The following PCDH11Y variants were observed in gnomAD, a reference collection of about 807,000 sequenced individuals.
PCDH11Y encodes the protein protocadherin-11 Y-linked.
For missense variants in PCDH11Y, 12 were observed against 224.8 expected, an observed-to-expected ratio of 0.05 and a Z score of 6.05; for synonymous variants, 9 against 83.6, an observed-to-expected ratio of 0.11 and a Z score of 4.87.
intron 1 of PCDH11Y, among the ~76,000 whole-genome samples, chrY:5,096,671 T>C (rs2052751002): frequency 3.9e-5 from 1 of 25,888 alleles, no homozygotes; most frequent in Non-Finnish European, 8.9e-5. Context: ...ATCATCTTAT[T>C]GTAGTACAGG....
intron 1 of PCDH11Y, among the ~76,000 whole-genome samples, chrY:5,024,180 A>T: frequency 3.0e-5 from 1 of 33,411 alleles, no homozygotes; most frequent in Non-Finnish European, 7.4e-5. Flanking sequence ...GTTAAATATC[A>T]GCAATTTTAT....
chrY:5,575,695 C>T (rs1229566434), intron 3 of PCDH11Y, among the ~76,000 whole-genome samples: 2 of 33,611 alleles, frequency 6.0e-5, no homozygotes, highest in Non-Finnish European at 1.5e-4. Context: ...GTCAAAGCTT[C>T]GAAATTGGGT....
intron 3 of PCDH11Y, among the ~76,000 whole-genome samples, chrY:5,515,709 G>T: frequency 6.0e-5 from 2 of 33,177 alleles, no homozygotes; most frequent in African/African-American, 2.4e-4. Flanking sequence ...ACATGGTACT[G>T]GTATAAAAAC....
intron 2 of PCDH11Y, among the ~76,000 whole-genome samples, chrY:5,154,106 G>A (rs2052866856): frequency 1.9e-3 from 55 of 29,204 alleles, no homozygotes; most frequent in Admixed American, 6.9e-3. Flanking sequence ...AAACTTTGAG[G>A]TACAACTTGT....
At position 5,507,324 on chromosome Y, in the gene PCDH11Y, C is replaced by T. The variant is rs374500849; in HGVS notation, c.3328+6069C>T. Among the ~76,000 whole-genome samples, 10 of 32,379 alleles carry T rather than the reference C, an allele frequency of 3.1e-4. No homozygotes were observed. In the South Asian group the frequency reaches 6.8e-3, roughly 22 times the overall value. 86.9% of individuals were successfully genotyped at this position (32,379 alleles called of 37,273 possible). A position where few individuals can be genotyped will look rare whatever the true frequency, so the allele number is the denominator to read the frequency against. Reference sequence around the variant, plus strand: ...TATAATAAGAAAAATGGGTAAAACACGTCTTACGATACCATCCTATCATAT... The same window carrying T: ...TATAATAAGAAAAATGGGTAAAACATGTCTTACGATACCATCCTATCATAT... On this transcript the variant is annotated intron_variant, in intron 3 of 4. Transcript: ENST00000400457.
intron 4 of PCDH11Y, among the ~76,000 whole-genome samples, chrY:5,597,331 A>ATATATACGTATG (rs2053468194): frequency 3.5e-5 from 1 of 28,693 alleles, no homozygotes; most frequent in African/African-American, 1.3e-4. Flanking sequence ...ATGTGTGTAT[A>ATATATACGTATG]TATATACGTA....
intron 1 of PCDH11Y, among the ~76,000 whole-genome samples, chrY:5,082,351 C>T (rs2571978): frequency 9.2e-5 from 3 of 32,506 alleles, no homozygotes; most frequent in African/African-American, 3.6e-4. Context: ...TTATTTTTTT[C>T]GTTGCATCTC....
chrY:5,599,571 AG>A (rs2053470605), intron 4 of PCDH11Y, among the ~76,000 whole-genome samples: 1 of 33,426 alleles, frequency 3.0e-5, no homozygotes, highest in African/African-American at 1.2e-4. Flanking sequence ...ATGACTGCAA[AG>A]TCATTAAAAG....
At chrY:5,740,474 G>C (rs2124716741) in exon 5 of PCDH11Y, 1 of 32,170 alleles carries the variant, frequency 3.1e-5, no homozygotes, top group South Asian at 7.2e-4. Context: ...AAATGACTGG[G>C]CACCCTCTTC....
At chrY:5,357,168 G>A (rs112081897) in intron 2 of PCDH11Y, among the ~76,000 whole-genome samples, 5 of 26,188 alleles carry the variant, frequency 1.9e-4, no homozygotes, top group African/African-American at 7.4e-4. Flanking sequence ...CAGCCTGGGC[G>A]ACAGAGTGAA....
At chrY:5,704,532 G>A in intron 4 of PCDH11Y, among the ~76,000 whole-genome samples, 1 of 28,356 alleles carries the variant, frequency 3.5e-5, no homozygotes, top group Admixed American at 3.3e-4. Flanking sequence ...CCGGGTTCAT[G>A]CCATTCTCCT....
chrY:5,164,129 C>T (rs2124644695), intron 2 of PCDH11Y, among the ~76,000 whole-genome samples: 2 of 33,427 alleles, frequency 6.0e-5, no homozygotes, highest in African/African-American at 2.3e-4. Flanking sequence ...CCTCCTGAGA[C>T]CAAATGATCT....
At chrY:5,478,385 T>A (rs2053321918) in intron 2 of PCDH11Y, among the ~76,000 whole-genome samples, 1 of 33,860 alleles carries the variant, frequency 3.0e-5, no homozygotes, top group Non-Finnish European at 7.3e-5. Context: ...TCTGAGAGAC[T>A]GTTTATTATG....
At chrY:5,471,505 C>T in intron 2 of PCDH11Y, among the ~76,000 whole-genome samples, 2 of 32,256 alleles carry the variant, frequency 6.2e-5, no homozygotes, top group African/African-American at 2.4e-4. Flanking sequence ...TGTGACTAAG[C>T]ATAAATTAAT....
intron 2 of PCDH11Y, among the ~76,000 whole-genome samples, chrY:5,134,240 G>GT: frequency 3.1e-5 from 1 of 32,692 alleles, no homozygotes; most frequent in East Asian, 8.1e-4. Flanking sequence ...AGTTCAAATG[G>GT]TTTTTTTTGC....
intron 3 of PCDH11Y, among the ~76,000 whole-genome samples, chrY:5,564,641 A>G: frequency 3.1e-5 from 1 of 32,472 alleles, no homozygotes; most frequent in African/African-American, 1.2e-4. Flanking sequence ...CAGTTTGCCC[A>G]TACCTTCACA....
intron 2 of PCDH11Y, among the ~76,000 whole-genome samples, chrY:5,413,765 A>G: frequency 3.1e-5 from 1 of 32,438 alleles, no homozygotes; most frequent in Non-Finnish European, 7.5e-5. Context: ...TACTGATTCA[A>G]TTTTGGACCT....
At chrY:5,720,903 T>A in intron 4 of PCDH11Y, among the ~76,000 whole-genome samples, 1 of 32,547 alleles carries the variant, frequency 3.1e-5, no homozygotes, top group Non-Finnish European at 7.5e-5. Flanking sequence ...TCCCTCCAAC[T>A]CCAAGTCTAG....
At chrY:5,580,895 A>G (rs2124697402) in intron 3 of PCDH11Y, among the ~76,000 whole-genome samples, 3 of 32,742 alleles carry the variant, frequency 9.2e-5, no homozygotes, top group Admixed American at 2.9e-4. Flanking sequence ...TTAAGCTTTT[A>G]TCCATAATGG....
Sources: gnomAD v4.1 joint callset for allele counts (sites outside exome capture counted in the v4.1 genomes callset) on GRCh38, gnomAD v4.1.1 for gene constraint, MANE v1.5 for transcripts, NCBI Gene and HGNC (gene_info 2026-07-23, HGNC 2026-07-21) for gene names.